Variants in MDGA2 observed in about 807,000 individuals in gnomAD.
MDGA2 encodes the protein MAM domain-containing glycosylphosphatidylinositol anchor protein 2.
A neutral mutation model predicts 117.8 loss-of-function variants in MDGA2; 40 were observed. The ratio of observed to expected loss-of-function variants is 0.34; its 90% CI spans 0.26 to 0.44. The LOEUF is 0.44. Ranked by LOEUF, MDGA2 falls within the 20% of genes least tolerant of loss-of-function variation. The pLI, the probability that MDGA2 is intolerant of heterozygous loss-of-function variation, is 1.00. For missense variants in MDGA2, 1,123 were observed against 1,250.6 expected (o/e 0.90, Z 1.54); for synonymous variants, 452 against 439.0 (o/e 1.03, Z -0.37).
At chr14:47,270,460 G>A (rs1888108307) in intron 2 of MDGA2, among the ~76,000 whole-genome samples, 1 of 152,120 alleles carries the variant, frequency 6.6e-6, no homozygotes, top group African/African-American at 2.4e-5. Flanking sequence ...AGTTTCAGTT[G>A]CTATGATTTA....
At chr14:46,947,379 C>T in intron 9 of MDGA2, among the ~76,000 whole-genome samples, 1 of 152,082 alleles carries the variant, frequency 6.6e-6, no homozygotes, top group East Asian at 1.9e-4. Context: ...TTTTAAAATT[C>T]ATTTAAATTT....
chr14:47,409,916 A>G (rs1892336254), intron 1 of MDGA2, among the ~76,000 whole-genome samples: 2 of 152,226 alleles, frequency 1.3e-5, no homozygotes, highest in African/African-American at 2.4e-5. Flanking sequence ...CCATGTTCAC[A>G]TATCACTGAG....
chr14:47,667,268 T>C (rs1897992100), intron 1 of MDGA2, among the ~76,000 whole-genome samples: 1 of 152,226 alleles, frequency 6.6e-6, no homozygotes, highest in Admixed American at 6.5e-5. Flanking sequence ...TCCAGTATTT[T>C]CTTGCCTTCC....
intron 1 of MDGA2, among the ~76,000 whole-genome samples, chr14:47,367,705 C>T (rs993868138): frequency 6.6e-6 from 1 of 152,174 alleles, no homozygotes; most frequent in Non-Finnish European, 1.5e-5. Flanking sequence ...GCAACAATTA[C>T]CAACATACGT....
chr14:47,608,239 G>A (rs150844765), intron 1 of MDGA2, among the ~76,000 whole-genome samples: 16 of 152,176 alleles, frequency 1.1e-4, no homozygotes, highest in Non-Finnish European at 1.9e-4. Context: ...GTAGTTCCTC[G>A]TGAATTGCGC....
At chr14:47,361,207 C>CTCTATATATA (rs61280975) in intron 1 of MDGA2, among the ~76,000 whole-genome samples, 78 of 140,540 alleles carry the variant, frequency 5.6e-4, no homozygotes, top group African/African-American at 7.3e-4. Context: ...CTCTCTCTCT[C>CTCTATATATA]TATATATATA....
intron 1 of MDGA2, among the ~76,000 whole-genome samples, chr14:47,647,672 T>C (rs1249829176): frequency 2.0e-5 from 3 of 152,162 alleles, no homozygotes; most frequent in Non-Finnish European, 4.4e-5. Context: ...GGCAGGTGGC[T>C]TGCCACTTTT....
At chr14:47,045,113 A>C (rs1889210178) in intron 7 of MDGA2, among the ~76,000 whole-genome samples, 1 of 152,176 alleles carries the variant, frequency 6.6e-6, no homozygotes, top group East Asian at 1.9e-4. Context: ...TGAAAGAACA[A>C]AATAGAAAAT....
intron 5 of MDGA2, among the ~76,000 whole-genome samples, chr14:47,106,542 C>G: frequency 6.6e-6 from 1 of 151,898 alleles, no homozygotes; most frequent in Non-Finnish European, 1.5e-5. Flanking sequence ...CGGGACCCCA[C>G]TGAAAATCGG....
intron 1 of MDGA2, among the ~76,000 whole-genome samples, chr14:47,458,007 A>ATT (rs34331194): frequency 1.2e-4 from 17 of 146,738 alleles, no homozygotes; most frequent in African/African-American, 3.8e-4. Flanking sequence ...TCTTCCCCAT[A>ATT]TTTTTTTTTT....
chr14:47,344,573 G>C (rs1890721622), intron 1 of MDGA2, among the ~76,000 whole-genome samples: 1 of 151,934 alleles, frequency 6.6e-6, no homozygotes, highest in African/African-American at 2.4e-5. Context: ...ACAAATCTCT[G>C]TTGTTATTTT....
At chr14:46,942,731 G>C (rs575030242) in intron 9 of MDGA2, among the ~76,000 whole-genome samples, 8 of 152,188 alleles carry the variant, frequency 5.3e-5, no homozygotes, top group African/African-American at 1.9e-4. Context: ...TGTATCAGTA[G>C]TTCTTTCCAT....
chr14:47,325,599 C>T (rs149574981), intron 1 of MDGA2, among the ~76,000 whole-genome samples: 2 of 152,224 alleles, frequency 1.3e-5, no homozygotes, highest in Non-Finnish European at 2.9e-5. Flanking sequence ...TAGAACACAA[C>T]TAAGATCAGA....
intron 8 of MDGA2, among the ~76,000 whole-genome samples, chr14:46,990,862 ACACC>A (rs1471891060): frequency 1.5e-4 from 9 of 59,374 alleles, no homozygotes; most frequent in African/African-American, 3.2e-4. Context: ...GAACACACAC[ACACC>A]CACACACACA....
rs1898161896 is a variant in MDGA2, at chr14:47,675,280, C to A, written c.-484G>T. Among the ~76,000 whole-genome samples the A allele has an allele frequency of 6.7e-6, 1 of 149,032 alleles. No individual in the cohort carries two copies. Among genetic ancestry groups the A allele is most frequent in the Admixed American group, 6.7e-5 (1 of 14,884 alleles). On this transcript the variant is annotated 5_prime_UTR_variant, in exon 1 of 17. Transcript: ENST00000399232. The stretch of plus-strand genomic sequence containing the variant: ...TGCCATTGCAACGCCAATCCTGTTA[C>A]ACGATACAGACTCGCATCGCCGAAC...
intron 1 of MDGA2, among the ~76,000 whole-genome samples, chr14:47,441,816 A>C (rs991898002): frequency 6.6e-6 from 1 of 152,300 alleles, no homozygotes; most frequent in East Asian, 1.9e-4. Context: ...AGTGAAACTT[A>C]TTAATTAGAC....
chr14:47,289,449 T>A (rs2139768135), intron 2 of MDGA2, among the ~76,000 whole-genome samples: 1 of 151,908 alleles, frequency 6.6e-6, no homozygotes, highest in East Asian at 1.9e-4. Context: ...ATGCTGAAGT[T>A]GGTTAATCTG....
At chr14:47,061,676 A>C in intron 6 of MDGA2, 98 bp from the exon 7 acceptor site, 7 of 1,019,084 alleles carry the variant, frequency 6.9e-6, no homozygotes, top group Non-Finnish European at 9.9e-6. Flanking sequence ...ATAAAGTAAA[A>C]CCAAATAAAG....
intron 14 of MDGA2, among the ~76,000 whole-genome samples, chr14:46,869,899 G>C (rs1471953181): frequency 6.6e-6 from 1 of 151,906 alleles, no homozygotes; most frequent in Non-Finnish European, 1.5e-5. Flanking sequence ...AGTATCTATA[G>C]TCCAATATCT....
Sources: allele counts gnomAD v4.1 joint callset (sites outside exome capture counted in the v4.1 genomes callset), GRCh38; gene constraint gnomAD v4.1.1; transcripts MANE v1.5; gene names NCBI Gene and HGNC (gene_info 2026-07-23, HGNC 2026-07-21).